The following AASDH variants were observed in gnomAD, a reference collection of about 807,000 sequenced individuals.
AASDH encodes aminoadipate-semialdehyde dehydrogenase.
Under a neutral mutation model 102.3 loss-of-function variants are expected in AASDH, and 81 were observed. The ratio of observed to expected loss-of-function variants is 0.79; its 90% CI spans 0.66 to 0.95. The LOEUF (loss-of-function observed/expected upper bound fraction) is 0.95, where lower values mean the gene tolerates loss of function less well. Among genes scored for constraint, AASDH ranks in the 40% least tolerant of loss-of-function variants. The pLI, the probability that AASDH is intolerant of heterozygous loss-of-function variation, is 0.00. For synonymous variants in AASDH, 398 were observed against 454.0 expected, an observed-to-expected ratio of 0.88 and a Z score of 1.57; for missense variants, 1,203 against 1,266.2, an observed-to-expected ratio of 0.95 and a Z score of 0.76.
Position 56,356,673 on chromosome 4 carries a change from T to C in AASDH, c.862-1250A>G, listed in dbSNP as rs967572030. On this transcript the variant is annotated intron_variant, in intron 5 of 14. Coordinates refer to ENST00000205214, the MANE Select transcript of AASDH (RefSeq NM_181806.4). ...TGTGTCATAAAATGGGGGTCCCTTA[T>C]TGCATTATCAAGGGGAAGGGAAGAC... is the stretch of plus-strand genomic sequence containing the variant. 36 of 687,686 alleles carry C rather than the reference T, an allele frequency of 5.2e-5. 1 individual carries two copies. The highest frequency in any genetic ancestry group is 1.2e-4 in the South Asian group (8 of 66,240). The allele number at this position is 687,686 out of a possible 1,614,324, so 42.6% of individuals were successfully genotyped here.
At chr4:56,373,905 A>T (rs1752035093) in intron 4 of AASDH, among the ~76,000 whole-genome samples, 1 of 152,214 alleles carries the variant, frequency 6.6e-6, no homozygotes, top group South Asian at 2.1e-4. Context: ...AAAAAAGAAG[A>T]GACAGATTTT....
rs1032694635 is a variant in AASDH at position 56,351,413 on chromosome 4, T to C, written c.1621A>G (p.Ile541Val). The change falls in exon 10 of 15, where the codon ATA (isoleucine) becomes GTA (valine). Residue 541 changes from isoleucine (I) to valine (V), a missense_variant. Ile to Val is a conservative substitution (Grantham distance 29). Transcript: ENST00000205214. ...AGCTTATTCTCAGACTTCAAGTTTA[T>C]GTAGTTTAAATATATCTTGTTTAAC... ...SELNKIYLNYINLKSENKLSG... is the reference protein window; with the variant it reads ...SELNKIYLNYVNLKSENKLSG... 1.9e-6 allele frequency: 3 copies of C among 1,603,686 alleles called. No homozygotes were observed. Among genetic ancestry groups the C allele is most frequent in the Non-Finnish European group, 2.6e-6 (3 of 1,172,834 alleles).
Position 56,349,978 on chromosome 4 carries a change from CT to C in AASDH, c.1772del (p.Lys591SerfsTer30). 3 of 1,613,082 alleles carry C rather than the reference CT, an allele frequency of 1.9e-6. No individual in the cohort carries two copies. Among genetic ancestry groups the C allele is most frequent in the Non-Finnish European group, 2.5e-6 (3 of 1,180,004 alleles). On this transcript the variant is annotated frameshift_variant, in exon 11 of 15. Coordinates refer to ENST00000205214, the MANE Select transcript of AASDH (RefSeq NM_181806.4). LOFTEE classifies it high-confidence loss of function. Reference protein sequence around the residue: ...LFLNSGGDSLKSIRLLSEIEK... With the variant: ...LFLNSGGDSLXSIRLLSEIEK... Reference sequence around the variant, plus strand: ...CAATCTCACTGAGGAGCCGGATGGACTTTAAGGAATCTCCACCACTATTTAA... The same window carrying C: ...CAATCTCACTGAGGAGCCGGATGGACTTAAGGAATCTCCACCACTATTTAA...
Position 56,345,192 on chromosome 4 carries a change from C to G in AASDH, c.2587G>C (p.Asp863His). ...EDAVKSSATM[D>H]PTTGLIYIGS... ...ATGTAAATGAGTCCTGTGGTTGGAT[C>G]CATGGTTGCCGAGCTTTTGACAGCA... Residue 863 changes from aspartate (D) to histidine (H), a missense_variant, in exon 12 of 15, where the codon GAT becomes CAT. Coordinates refer to ENST00000205214, the MANE Select transcript of AASDH (RefSeq NM_181806.4). The G allele has an allele frequency of 6.2e-7, 1 of 1,614,104 alleles. No individual in the cohort carries two copies. Among genetic ancestry groups the G allele is most frequent in the Non-Finnish European group, 8.5e-7 (1 of 1,180,016 alleles).
rs1197306664 is a variant in AASDH at position 56,382,478 on chromosome 4, T to C, written c.350A>G (p.Asn117Ser). Reference sequence around the variant, plus strand: ...AACAATTGAAACATCCAGACTTACATTAATTTGTTTTTTTTCAACAAGGAT... The same window carrying C: ...AACAATTGAAACATCCAGACTTACACTAATTTGTTTTTTTTCAACAAGGAT... ...KYILVEKKQI[N>S]KFKSFHETLL... Residue 117 changes from asparagine (N) to serine (S), a missense_variant and splice_region_variant, in exon 3 of 15, where the codon AAT becomes AGT. Physicochemically the swap from Asn to Ser is conservative, Grantham distance 46 (BLOSUM62 1). Transcript: ENST00000205214. 2 of 1,558,094 alleles carry C rather than the reference T, an allele frequency of 1.3e-6. No individual in the cohort carries two copies. The highest frequency in any genetic ancestry group is 1.8e-6 in the Non-Finnish European group (2 of 1,135,600).
At chr4:56,373,354 G>A (rs1320827942) in intron 4 of AASDH, among the ~76,000 whole-genome samples, 1 of 151,978 alleles carries the variant, frequency 6.6e-6, no homozygotes, top group African/African-American at 2.4e-5. Context: ...TGTTGATCAG[G>A]CCGGTCTCGA....
intron 11 of AASDH, chr4:56,348,977 C>T (rs1183336208): frequency 2.2e-6 from 1 of 449,468 alleles, no homozygotes; most frequent in East Asian, 3.7e-5. Flanking sequence ...GATACAGCAA[C>T]ACATTTTATT....
intron 5 of AASDH, 88 bp from the exon 6 acceptor site, chr4:56,355,511 T>C: frequency 7.9e-7 from 1 of 1,272,316 alleles, no homozygotes; most frequent in Non-Finnish European, 1.1e-6. Flanking sequence ...AGTTAACATT[T>C]GGAGCCCACA....
At chr4:56,382,624 T>G (rs115624348) in intron 2 of AASDH, 27 bp from the exon 3 acceptor site, 10 of 1,591,632 alleles carry the variant, frequency 6.3e-6, no homozygotes, top group Non-Finnish European at 8.5e-6. Flanking sequence ...ACAGTCAGCA[T>G]AGAATGTCTG....
Position 56,384,325 on chromosome 4 carries a change from A to G in AASDH, c.-26T>C, listed in dbSNP as rs1188778627. 3 of 1,592,868 alleles carry G rather than the reference A, an allele frequency of 1.9e-6. No homozygotes were observed. On this transcript the variant is annotated 5_prime_UTR_variant, in exon 2 of 15. Transcript: ENST00000205214. Reference sequence around the variant, plus strand: ...TTCACTGAAGTTTATCTAAACATCAATTTGTAGCACAGAACCCTGTGTATA... The same window carrying G: ...TTCACTGAAGTTTATCTAAACATCAGTTTGTAGCACAGAACCCTGTGTATA...
chr4:56,349,345 C>G lies in AASDH; in HGVS notation c.2406G>C (p.Gly802=), dbSNP rs1245972911. Residue 802 remains glycine (G), a synonymous_variant, in exon 11 of 15, where the codon GGG becomes GGC. Coordinates refer to ENST00000205214, the MANE Select transcript of AASDH (RefSeq NM_181806.4). ...HRMKAVDFYS[G]KVKWEQILGD... ...CCAAAATCTGTTCCCATTTTACCTT[C>G]CCAGAGTAAAAGTCAACTGCCTTCA... The G allele has an allele frequency of 6.2e-7, 1 of 1,614,062 alleles. No homozygotes were observed. The highest frequency in any genetic ancestry group is 8.5e-7 in the Non-Finnish European group (1 of 1,180,034).
At chr4:56,342,334 G>A (rs1747800843) in intron 14 of AASDH, among the ~76,000 whole-genome samples, 1 of 152,016 alleles carries the variant, frequency 6.6e-6, no homozygotes, top group South Asian at 2.1e-4. Flanking sequence ...AAGTACTCAA[G>A]GTGATGGACA....
At chr4:56,358,933 A>G (rs1327042020) in intron 5 of AASDH, among the ~76,000 whole-genome samples, 1 of 152,180 alleles carries the variant, frequency 6.6e-6, no homozygotes, top group Non-Finnish European at 1.5e-5. Flanking sequence ...TGAGTTGTCT[A>G]CTTATGTTTT....
At chr4:56,347,758 C>T (rs1748488732) in intron 11 of AASDH, among the ~76,000 whole-genome samples, 2 of 152,078 alleles carry the variant, frequency 1.3e-5, no homozygotes, top group Non-Finnish European at 2.9e-5. Flanking sequence ...AAACATTAGC[C>T]AGGTGTGGTG....
chr4:56,352,433 G>C (rs544105116), intron 9 of AASDH, among the ~76,000 whole-genome samples: 1 of 152,318 alleles, frequency 6.6e-6, no homozygotes, highest in East Asian at 1.9e-4. Context: ...TCACTCTGTT[G>C]CCTAGGCTGG....
Position 56,349,265 on chromosome 4 carries a change from A to G in AASDH, c.2486T>C (p.Val829Ala). ...AAACCTCAAATTCAAAAACTTACCCACCACAATAAAGTTTCCACACTTAGA... is the reference window on the plus strand; with the variant it reads ...AAACCTCAAATTCAAAAACTTACCCGCCACAATAAAGTTTCCACACTTAGA... ...CVSKCGNFIV[V>A]GCYNGLVYVL... The change falls in exon 11 of 15, where the codon GTG becomes GCG. Residue 829 changes from valine to alanine, a missense_variant and splice_region_variant. Coordinates refer to ENST00000205214, the MANE Select transcript of AASDH (RefSeq NM_181806.4). The G allele has an allele frequency of 6.2e-7, 1 of 1,613,690 alleles. No individual in the cohort carries two copies. The highest frequency in any genetic ancestry group is 8.5e-7 in the Non-Finnish European group (1 of 1,179,816).
At chr4:56,378,888 TA>T (rs202080385) in intron 3 of AASDH, among the ~76,000 whole-genome samples, 2 of 151,506 alleles carry the variant, frequency 1.3e-5, no homozygotes, top group African/African-American at 4.8e-5. Context: ...TTTTTTTATT[TA>T]TTTTTTTTTT....
intron 8 of AASDH, 24 bp from the exon 9 acceptor site, chr4:56,353,620 T>G: frequency 1.3e-6 from 2 of 1,550,750 alleles, no homozygotes; most frequent in Non-Finnish European, 1.7e-6. Context: ...TATCCTAATT[T>G]GCCAATGAGG....
intron 10 of AASDH, among the ~76,000 whole-genome samples, chr4:56,350,367 T>C (rs1373492228): frequency 6.6e-6 from 1 of 152,046 alleles, no homozygotes; most frequent in African/African-American, 2.4e-5. Context: ...GGCAAGAGAA[T>C]CGCTTGAACC....
Sources: gnomAD v4.1 joint callset for allele counts (sites outside exome capture counted in the v4.1 genomes callset) on GRCh38, gnomAD v4.1.1 for gene constraint, MANE v1.5 for transcripts, NCBI Gene and HGNC (gene_info 2026-07-23, HGNC 2026-07-21) for gene names.